The following TMEM130 variants were observed in gnomAD, a reference collection of about 807,000 sequenced individuals.
TMEM130 encodes transmembrane protein 130.
A neutral mutation model predicts 42.9 loss-of-function variants in TMEM130; 37 were observed. The observed-to-expected ratio is 0.86, with a 90% confidence interval of 0.66 to 1.13. The LOEUF is 1.13. Among genes scored for constraint, TMEM130 ranks in the 50% most tolerant of loss-of-function variants. The pLI is 0.00. For missense variants in TMEM130, 545 were observed against 562.6 expected (o/e 0.97, Z 0.32); for synonymous variants, 259 against 237.7 (o/e 1.09, Z -0.82).
chr7:98,864,364 G>A (rs1554400341), intron 1 of TMEM130, among the ~76,000 whole-genome samples: 1 of 150,930 alleles, frequency 6.6e-6, no homozygotes, highest in Non-Finnish European at 1.5e-5. Context: ...AAGTCACCAC[G>A]CTTGGCTGAT....
intron 1 of TMEM130, among the ~76,000 whole-genome samples, chr7:98,864,359 A>T (rs1328247411): frequency 6.8e-6 from 1 of 147,820 alleles, no homozygotes; most frequent in Non-Finnish European, 1.5e-5. Flanking sequence ...GGTCCAAGTC[A>T]CCACGCTTGG....
At chr7:98,857,501 A>C (rs1584239112) in intron 3 of TMEM130, among the ~76,000 whole-genome samples, 1 of 151,986 alleles carries the variant, frequency 6.6e-6, no homozygotes, top group Non-Finnish European at 1.5e-5. Context: ...GAAGTTCGAG[A>C]CCAGCCTGGG....
At chr7:98,852,449 A>G (rs1794533312) in intron 5 of TMEM130, among the ~76,000 whole-genome samples, 1 of 152,040 alleles carries the variant, frequency 6.6e-6, no homozygotes, top group Non-Finnish European at 1.5e-5. Context: ...ATTTTTTAAT[A>G]GCGATGGGAC....
Position 98,855,237 on chromosome 7 carries a change from T to C in TMEM130, c.803+3A>G, listed in dbSNP as rs202019179. The C allele has an allele frequency of 4.2e-5, 68 of 1,612,820 alleles. 1 individual carries two copies. The East Asian group carries it at 5.1e-4, about 12-fold the overall frequency. On this transcript the variant is annotated splice_donor_region_variant and intron_variant, in intron 5 of 7. Transcript: ENST00000339375. ...CCCCCAGTGCGCTCTGGAGCTCACTTACCTCCCCAGGAAGTTCAAGGTCAC... is the reference window on the plus strand; with the variant it reads ...CCCCCAGTGCGCTCTGGAGCTCACTCACCTCCCCAGGAAGTTCAAGGTCAC...
chr7:98,864,915 A>G (rs1554400426), intron 1 of TMEM130, among the ~76,000 whole-genome samples: 1 of 152,090 alleles, frequency 6.6e-6, no homozygotes, highest in South Asian at 2.1e-4. Flanking sequence ...ACAAAAGAAA[A>G]CAAACAATAA....
intron 1 of TMEM130, chr7:98,865,932 C>CA (rs1164521039): frequency 5.7e-6 from 1 of 175,264 alleles, no homozygotes; most frequent in Non-Finnish European, 1.2e-5. Flanking sequence ...GGTCCCCCCA[C>CA]AAGTCCCCCC....
chr7:98,869,918 C>G lies in TMEM130; in HGVS notation c.-57G>C, dbSNP rs1333539723. 4.8e-5 allele frequency: 58 copies of G among 1,205,584 alleles called. No homozygotes were observed. The highest frequency in any genetic ancestry group is 5.9e-5 in the Non-Finnish European group (56 of 946,134). The allele number at this position is 1,205,584 out of a possible 1,614,324, so 74.7% of individuals were successfully genotyped here. A position where few individuals can be genotyped will look rare whatever the true frequency, so the allele number is the denominator to read the frequency against. ...GGACGCGGAGGGAATGCAGCTGGAG[C>G]TCGAGAACTGCGGCGGTCGCTCCTC... On this transcript the variant is annotated 5_prime_UTR_variant, in exon 1 of 8. Coordinates refer to ENST00000339375, the MANE Select transcript of TMEM130 (RefSeq NM_152913.3). The surrounding 1 kb of genome is among the most constrained non-coding windows in gnomAD (Gnocchi z 4.7).
At chr7:98,851,376 G>C in intron 6 of TMEM130, 45 bp downstream of exon 6, 1 of 1,585,404 alleles carries the variant, frequency 6.3e-7, no homozygotes. Flanking sequence ...GGACAGGCTT[G>C]TGCTGCCCAT....
intron 2 of TMEM130, among the ~76,000 whole-genome samples, chr7:98,861,969 G>A (rs1794779713): frequency 6.6e-6 from 1 of 152,104 alleles, no homozygotes; most frequent in South Asian, 2.1e-4. Context: ...TTACATGCAT[G>A]TGTATTTACC....
Position 98,863,075 on chromosome 7 carries a change from C to A in TMEM130, c.391+20G>T. On this transcript the variant is annotated intron_variant, in intron 2 of 7. Transcript: ENST00000339375. ...CACCAAGGGTTTGAAGGCAAACTAG[C>A]AAATGGGAGCGACCCTCACCTGTGA... 6.3e-7 allele frequency: 1 copy of A among 1,596,832 alleles called. No homozygotes were observed.
chr7:98,865,238 C>T (rs1794880823), intron 1 of TMEM130, among the ~76,000 whole-genome samples: 1 of 152,232 alleles, frequency 6.6e-6, no homozygotes, highest in Non-Finnish European at 1.5e-5. Context: ...CCCATCCCTA[C>T]CGTGTTGGGA....
At chr7:98,863,491 TC>T in intron 1 of TMEM130, 91 bp from the exon 2 acceptor site, 1 of 1,304,230 alleles carries the variant, frequency 7.7e-7, no homozygotes, top group Non-Finnish European at 1.0e-6. Context: ...CTATTCTATT[TC>T]CCAGGTGGAG....
In TMEM130 at chr7:98,865,849, G is replaced by A. The variant is rs193098145; in HGVS notation, c.86-2449C>T. 382 of 155,076 alleles carry A rather than the reference G, an allele frequency of 2.5e-3. 2 individuals are homozygous for A. Among genetic ancestry groups the A allele is most frequent in the Non-Finnish European group, 3.9e-3 (267 of 69,096 alleles). The allele number at this position is 155,076 out of a possible 1,614,324, so 9.6% of individuals were successfully genotyped here. ...GGTCCTTTTATGGTTCCCAAAATGT[G>A]GCAGAAAGGTGGGTGCTGGCCTTCT... On this transcript the variant is annotated intron_variant, in intron 1 of 7. Transcript: ENST00000339375.
chr7:98,860,225 A>T lies in TMEM130; in HGVS notation c.505T>A (p.Phe169Ile). 1 of 1,614,052 alleles carries T rather than the reference A, an allele frequency of 6.2e-7. No individual in the cohort carries two copies. Among genetic ancestry groups the T allele is most frequent in the Non-Finnish European group, 8.5e-7 (1 of 1,179,974 alleles). The change falls in exon 3 of 8, where the codon TTC becomes ATC. Residue 169 changes from phenylalanine to isoleucine, a missense_variant. Coordinates refer to ENST00000339375, the MANE Select transcript of TMEM130 (RefSeq NM_152913.3). Reference protein sequence around the residue: ...VSFLLHDPSNFLKTALFLYSW... With the variant: ...VSFLLHDPSNILKTALFLYSW... ...TAGAGAAACAAGGCGGTCTTGAGGA[A>T]GTTGCTCGGGTCGTGGAGGAGGAAG...
At chr7:98,850,273 A>ATATATATATTTTTTTTTTTTTTTT in intron 6 of TMEM130, among the ~76,000 whole-genome samples, 13 of 35,456 alleles carry the variant, frequency 3.7e-4, no homozygotes, top group South Asian at 1.1e-3. Context: ...ATATATATAT[A>ATATATATATTTTTTTTTTTTTTTT]TTTTTTTTTT....
chr7:98,855,275 GA>G lies in TMEM130; in HGVS notation c.767del (p.Phe256SerfsTer4), dbSNP rs1245571875. ...QVLGPTLIQTFQKMTVTLNFL... is the reference protein window; with the variant it reads ...QVLGPTLIQTXQKMTVTLNFL... ...AGTTCAAGGTCACGGTCATCTTTTG[GA>G]AGGTCTGAATTAGGGTGGGCCCCAA... On this transcript the variant is annotated frameshift_variant, in exon 5 of 8. Coordinates refer to ENST00000339375, the MANE Select transcript of TMEM130 (RefSeq NM_152913.3). LOFTEE classifies it high-confidence loss of function. The G allele has an allele frequency of 2.5e-6, 4 of 1,613,518 alleles. No individual in the cohort carries two copies. The highest frequency in any genetic ancestry group is 3.3e-5 in the Admixed American group (2 of 59,938).
Position 98,846,631 on chromosome 7 carries a change from C to G in TMEM130, c.*1425G>C, listed in dbSNP as rs1439751713. 1 of 152,422 alleles carries G rather than the reference C, an allele frequency of 6.6e-6. No homozygotes were observed. The highest frequency in any genetic ancestry group is 1.5e-5 in the Non-Finnish European group (1 of 68,140). The allele number at this position is 152,422 out of a possible 1,614,324, so 9.4% of individuals were successfully genotyped here. Reference sequence around the variant, plus strand: ...TGGTTACAGCGACAGAGCCCAGACCCCACAGTCCTCCCCTGCCCTTCCTGA... The same window carrying G: ...TGGTTACAGCGACAGAGCCCAGACCGCACAGTCCTCCCCTGCCCTTCCTGA... On this transcript the variant is annotated 3_prime_UTR_variant, in exon 8 of 8. Coordinates refer to ENST00000339375, the MANE Select transcript of TMEM130 (RefSeq NM_152913.3).
intron 6 of TMEM130, among the ~76,000 whole-genome samples, chr7:98,849,759 G>T (rs925262780): frequency 2.0e-5 from 3 of 152,164 alleles, no homozygotes; most frequent in Non-Finnish European, 4.4e-5. Flanking sequence ...CCTGGCTCAG[G>T]CTCAGGCTGA....
intron 4 of TMEM130, 72 bp downstream of exon 4, chr7:98,855,945 C>A (rs1794621538): frequency 3.9e-6 from 6 of 1,535,736 alleles, no homozygotes. Context: ...CAGCCCAGAG[C>A]CACTGTGATC....
Sources: gnomAD v4.1 joint callset for allele counts (sites outside exome capture counted in the v4.1 genomes callset) on GRCh38, gnomAD v4.1.1 for gene constraint, Gnocchi (gnomAD v3.1) non-coding constraint, MANE v1.5 for transcripts, NCBI Gene and HGNC (gene_info 2026-07-23, HGNC 2026-07-21) for gene names.